Variants in RFTN2 observed in about 807,000 individuals in gnomAD.
The protein encoded by RFTN2 is raftlin family member 2, also known as raftlin-2.
Under a neutral mutation model 52.7 loss-of-function variants are expected in RFTN2, and 34 were observed. The observed-to-expected ratio is 0.64, with a 90% confidence interval of 0.49 to 0.86. The LOEUF (loss-of-function observed/expected upper bound fraction) is 0.86, where lower values mean the gene tolerates loss of function less well. Ranked by LOEUF, RFTN2 falls within the 40% of genes least tolerant of loss-of-function variation. The pLI is 0.00. For synonymous variants in RFTN2, 203 were observed against 217.7 expected (o/e 0.93, Z 0.59); for missense variants, 536 against 600.1 (o/e 0.89, Z 1.12).
intron 4 of RFTN2, among the ~76,000 whole-genome samples, chr2:197,632,448 C>CAGA (rs2088482804): frequency 6.6e-6 from 1 of 152,192 alleles, no homozygotes; most frequent in Admixed American, 6.5e-5. Context: ...CTCCTGCCAC[C>CAGA]ATGTGAAGAA....
rs555480026 is a variant in RFTN2 at position 197,578,796 on chromosome 2, T to C, written c.1234-6516A>G. ...ATGACATTTGGTGCCGTGATTCGGA[T>C]TGGGGGACCACCCTTGGCAGATCAA... On this transcript the variant is annotated intron_variant, in intron 8 of 8. Coordinates refer to ENST00000295049, the MANE Select transcript of RFTN2 (RefSeq NM_144629.3). 4.9e-4 allele frequency among the ~76,000 whole-genome samples: 75 copies of C among 152,336 alleles called. 1 individual carries two copies. Among genetic ancestry groups the C allele is most frequent in the East Asian group, 1.4e-3 (7 of 5,184 alleles).
At chr2:197,626,614 C>CTTTTTTTTTTTTTTTTTTTTTTT (rs201711932) in intron 5 of RFTN2, among the ~76,000 whole-genome samples, 1 of 97,592 alleles carries the variant, frequency 1.0e-5, no homozygotes, top group African/African-American at 4.2e-5. Flanking sequence ...AAGGAATAAT[C>CTTTTTTTTTTTTTTTTTTTTTTT]TTCTTTTTTT....
At chr2:197,573,993 G>C (rs1269069621) in intron 8 of RFTN2, among the ~76,000 whole-genome samples, 1 of 152,272 alleles carries the variant, frequency 6.6e-6, no homozygotes, top group Non-Finnish European at 1.5e-5. Context: ...TGGATGTCCA[G>C]GTAGAGGTGT....
intron 8 of RFTN2, among the ~76,000 whole-genome samples, chr2:197,585,286 G>T (rs547161488): frequency 6.6e-6 from 1 of 152,240 alleles, no homozygotes; most frequent in Admixed American, 6.5e-5. Context: ...CCAAAAACTT[G>T]TCATCCCTAC....
At chr2:197,674,634 G>C (rs911189546) in intron 1 of RFTN2, among the ~76,000 whole-genome samples, 1 of 152,090 alleles carries the variant, frequency 6.6e-6, no homozygotes, top group African/African-American at 2.4e-5. Flanking sequence ...GTTTCCAAAA[G>C]AAATGAGGCA....
In RFTN2 at chr2:197,572,813, G is replaced by A. The variant is rs1360444604; in HGVS notation, c.1234-533C>T. Among the ~76,000 whole-genome samples the A allele has an allele frequency of 2.0e-5, 3 of 152,036 alleles. No homozygotes were observed. The East Asian group carries it at 5.8e-4, about 29-fold the overall frequency. ...ATATTTCCCATGTGTTGTGGGAGGG[G>A]CCCAGTGGGAGGTAGTCAAATCATG... On this transcript the variant is annotated intron_variant, in intron 8 of 8. Coordinates refer to ENST00000295049, the MANE Select transcript of RFTN2 (RefSeq NM_144629.3).
At chr2:197,666,411 G>A (rs943276927) in intron 1 of RFTN2, among the ~76,000 whole-genome samples, 8 of 152,190 alleles carry the variant, frequency 5.3e-5, no homozygotes, top group Non-Finnish European at 8.8e-5. Context: ...TTTGCTGGAT[G>A]TAGTATCCTT....
chr2:197,637,140 G>C (rs1244864119), intron 3 of RFTN2, among the ~76,000 whole-genome samples: 3 of 149,956 alleles, frequency 2.0e-5, no homozygotes, highest in Non-Finnish European at 4.5e-5. Flanking sequence ...GATTCGTTTT[G>C]CCAGTATTTT....
At chr2:197,625,763 C>T (rs2088349506) in intron 5 of RFTN2, among the ~76,000 whole-genome samples, 1 of 136,742 alleles carries the variant, frequency 7.3e-6, no homozygotes, top group Admixed American at 7.9e-5. Flanking sequence ...CTTCTCTTTT[C>T]TCTCCTCTCT....
chr2:197,622,436 G>T (rs2088280835), intron 5 of RFTN2, among the ~76,000 whole-genome samples: 1 of 152,080 alleles, frequency 6.6e-6, no homozygotes, highest in African/African-American at 2.4e-5. Flanking sequence ...CTTCCAAGTA[G>T]CTCAGATTAT....
At chr2:197,585,050 T>G (rs2087573479) in intron 8 of RFTN2, among the ~76,000 whole-genome samples, 1 of 152,182 alleles carries the variant, frequency 6.6e-6, no homozygotes, top group Non-Finnish European at 1.5e-5. Flanking sequence ...GGTTCACCAT[T>G]CCAGAATAAG....
intron 3 of RFTN2, among the ~76,000 whole-genome samples, chr2:197,635,422 C>T (rs1385618936): frequency 1.4e-4 from 22 of 152,284 alleles, no homozygotes; most frequent in South Asian, 8.3e-4. Context: ...TTTTAATGAT[C>T]ACCATTCTAA....
chr2:197,581,721 A>G (rs895291033), intron 8 of RFTN2, among the ~76,000 whole-genome samples: 51 of 152,070 alleles, frequency 3.4e-4, no homozygotes, highest in Non-Finnish European at 1.3e-4. Context: ...CTTCATAAAA[A>G]CACATGTGCT....
intron 1 of RFTN2, among the ~76,000 whole-genome samples, chr2:197,647,014 T>G (rs1416116117): frequency 6.6e-6 from 1 of 152,056 alleles, no homozygotes; most frequent in Admixed American, 6.6e-5. Flanking sequence ...CCTTACAAAT[T>G]AGTAGATACA....
chr2:197,653,275 A>G (rs1197529387), intron 1 of RFTN2, among the ~76,000 whole-genome samples: 1 of 152,206 alleles, frequency 6.6e-6, no homozygotes, highest in Non-Finnish European at 1.5e-5. Context: ...AGAGACATTC[A>G]GTAACAAGCT....
chr2:197,649,938 C>G (rs927496648), intron 1 of RFTN2, among the ~76,000 whole-genome samples: 1 of 152,124 alleles, frequency 6.6e-6, no homozygotes, highest in African/African-American at 2.4e-5. Context: ...TTTATTTTAG[C>G]TCCATAATAC....
At chr2:197,579,340 C>T (rs1307237946) in intron 8 of RFTN2, among the ~76,000 whole-genome samples, 1 of 152,186 alleles carries the variant, frequency 6.6e-6, no homozygotes, top group African/African-American at 2.4e-5. Flanking sequence ...GCCTCCTTCA[C>T]TATGGGCAAC....
At chr2:197,606,143 A>T (rs1209101595) in intron 7 of RFTN2, among the ~76,000 whole-genome samples, 1 of 151,964 alleles carries the variant, frequency 6.6e-6, no homozygotes, top group East Asian at 1.9e-4. Context: ...TCACCCCCTC[A>T]CACTCTCAAT....
chr2:197,578,448 A>T (rs2087454111), intron 8 of RFTN2, among the ~76,000 whole-genome samples: 1 of 152,202 alleles, frequency 6.6e-6, no homozygotes, highest in Non-Finnish European at 1.5e-5. Flanking sequence ...GTATACATCC[A>T]GATGGCCCAA....
Sources: gnomAD v4.1 joint callset for allele counts (sites outside exome capture counted in the v4.1 genomes callset) on GRCh38, gnomAD v4.1.1 for gene constraint, MANE v1.5 for transcripts, NCBI Gene and HGNC (gene_info 2026-07-23, HGNC 2026-07-21) for gene names.